The following CLVS1 variants were observed in gnomAD, a reference collection of about 807,000 sequenced individuals.
CLVS1 encodes clavesin-1.
A neutral mutation model predicts 33.1 loss-of-function variants in CLVS1; 10 were observed. That is an observed-to-expected ratio of 0.30 (90% CI 0.19 to 0.51). The LOEUF (loss-of-function observed/expected upper bound fraction) is 0.51. Ranked by LOEUF, CLVS1 falls within the 20% of genes least tolerant of loss-of-function variation. The probability of loss-of-function intolerance (pLI) is 0.97; values close to 1 mark genes in which losing one functional copy is unlikely to be tolerated. For synonymous variants in CLVS1, 163 were observed against 166.1 expected (o/e 0.98, Z 0.14); for missense variants, 343 against 433.4 (o/e 0.79, Z 1.85).
At chr8:61,221,754 C>CA (rs1808222443) in intron 2 of CLVS1, among the ~76,000 whole-genome samples, 2 of 152,148 alleles carry the variant, frequency 1.3e-5, no homozygotes, top group South Asian at 4.2e-4. Flanking sequence ...GTTTCAGAAC[C>CA]AATGGTACCA....
chr8:61,041,582 T>C, the CLVS1 span, among the ~76,000 whole-genome samples: 1 of 152,126 alleles, frequency 6.6e-6, no homozygotes, highest in Non-Finnish European at 1.5e-5. Flanking sequence ...TATTTTTGTG[T>C]GTGGCTATTG....
chr8:61,325,807 C>A (rs180903895), intron 2 of CLVS1, among the ~76,000 whole-genome samples: 3 of 152,194 alleles, frequency 2.0e-5, no homozygotes, highest in Admixed American at 6.5e-5. Context: ...ATTTTCCAAC[C>A]CAACAAGTCC....
intron 1 of CLVS1, among the ~76,000 whole-genome samples, chr8:61,083,108 T>C (rs1805054186): frequency 6.6e-6 from 1 of 151,872 alleles, no homozygotes; most frequent in Admixed American, 6.6e-5. Context: ...AGAAGGAAAA[T>C]GTTGTAAGTA....
At chr8:61,093,368 G>T (rs1182665824) in intron 1 of CLVS1, among the ~76,000 whole-genome samples, 3 of 152,160 alleles carry the variant, frequency 2.0e-5, no homozygotes, top group Non-Finnish European at 4.4e-5. Context: ...AGCCTCTATG[G>T]CTATAGAATT....
chr8:61,430,017 C>T (rs1351239053), intron 3 of CLVS1, among the ~76,000 whole-genome samples: 1 of 152,188 alleles, frequency 6.6e-6, no homozygotes, highest in Non-Finnish European at 1.5e-5. Context: ...ATCCTATTTG[C>T]TTTCCTTTGT....
intron 3 of CLVS1, among the ~76,000 whole-genome samples, chr8:61,409,011 C>T (rs1815110282): frequency 6.6e-6 from 1 of 152,038 alleles, no homozygotes; most frequent in African/African-American, 2.4e-5. Flanking sequence ...ATATATCAGG[C>T]TTAAAAGCCC....
Position 61,253,855 on chromosome 8 carries a change from A to G in CLVS1, c.-151-45822A>G, listed in dbSNP as rs188536320. ...TTTTCAAGGTTTTAACCTCTTTGCC[A>G]TGGGTTCGAACTTCCTTCTTTAGCT... is the stretch of plus-strand genomic sequence containing the variant. On this transcript the variant is annotated intron_variant, in intron 2 of 2. Transcript: ENST00000522621. 1.1e-4 allele frequency among the ~76,000 whole-genome samples: 16 copies of G among 152,184 alleles called. No homozygotes were observed. The East Asian group carries it at 1.9e-3, about 18-fold the overall frequency.
intron 1 of CLVS1, chr8:61,292,116 AGTT>A: frequency 4.3e-6 from 1 of 232,826 alleles, no homozygotes. Flanking sequence ...GGCAAAGAAA[AGTT>A]TTTTTTTTTT....
At chr8:61,338,108 C>T (rs887456141) in intron 2 of CLVS1, among the ~76,000 whole-genome samples, 1 of 152,138 alleles carries the variant, frequency 6.6e-6, no homozygotes. Flanking sequence ...TCTGGACCCT[C>T]AATGTCACAC....
intron 1 of CLVS1, among the ~76,000 whole-genome samples, chr8:61,117,605 C>T (rs978072458): frequency 2.0e-5 from 3 of 149,946 alleles, no homozygotes; most frequent in Non-Finnish European, 4.5e-5. Context: ...TTGTCAAAGG[C>T]TTTTTCTGCA....
At chr8:61,106,486 T>C (rs1343612883) in intron 1 of CLVS1, among the ~76,000 whole-genome samples, 2 of 152,202 alleles carry the variant, frequency 1.3e-5, no homozygotes, top group African/African-American at 2.4e-5. Flanking sequence ...ATACACAAGC[T>C]GGACGGTGGG....
chr8:60,978,530 A>G, the CLVS1 span, among the ~76,000 whole-genome samples: 1 of 152,310 alleles, frequency 6.6e-6, no homozygotes, highest in South Asian at 2.1e-4. Flanking sequence ...AATAACTAAA[A>G]AAGGCCAGGT....
At chr8:61,313,302 A>G (rs1810902639) in intron 2 of CLVS1, among the ~76,000 whole-genome samples, 2 of 152,164 alleles carry the variant, frequency 1.3e-5, no homozygotes, top group Admixed American at 1.3e-4. Context: ...GGTCTAGAAG[A>G]AAGAGCTTGC....
At chr8:61,372,892 A>G (rs1288558916) in intron 2 of CLVS1, among the ~76,000 whole-genome samples, 1 of 152,212 alleles carries the variant, frequency 6.6e-6, no homozygotes, top group African/African-American at 2.4e-5. Flanking sequence ...GGAAGAATAA[A>G]TACAGTCAAC....
At chr8:61,435,850 T>C (rs1816312750) in intron 3 of CLVS1, among the ~76,000 whole-genome samples, 1 of 152,166 alleles carries the variant, frequency 6.6e-6, no homozygotes, top group Admixed American at 6.5e-5. Context: ...TAATAATTAC[T>C]CAGGATTGGC....
chr8:61,148,986 AT>A (rs1220954449), intron 2 of CLVS1, among the ~76,000 whole-genome samples: 2 of 152,196 alleles, frequency 1.3e-5, no homozygotes, highest in South Asian at 2.1e-4. Context: ...CAGAGGACCC[AT>A]TTATGGTCCC....
intron 2 of CLVS1, among the ~76,000 whole-genome samples, chr8:61,254,449 T>A (rs1809027691): frequency 6.6e-6 from 1 of 152,184 alleles, no homozygotes; most frequent in Non-Finnish European, 1.5e-5. Context: ...TTCAAAGCTG[T>A]CAGACAGGGA....
At chr8:61,074,548 C>A (rs1585590392) in intron 1 of CLVS1, among the ~76,000 whole-genome samples, 1 of 149,870 alleles carries the variant, frequency 6.7e-6, no homozygotes, top group Non-Finnish European at 1.5e-5. Context: ...TTTCATTAGA[C>A]CATGAGACCT....
chr8:60,978,262 C>T, the CLVS1 span, among the ~76,000 whole-genome samples: 1 of 152,178 alleles, frequency 6.6e-6, no homozygotes, highest in Non-Finnish European at 1.5e-5. Context: ...TGAAGTCCAA[C>T]ATCATGCTTT....
Sources: gnomAD v4.1 joint callset for allele counts (sites outside exome capture counted in the v4.1 genomes callset) on GRCh38, gnomAD v4.1.1 for gene constraint, MANE v1.5 for transcripts, NCBI Gene and HGNC (gene_info 2026-07-23, HGNC 2026-07-21) for gene names.